The following ATRN variants were observed in gnomAD, a reference collection of about 807,000 sequenced individuals.
ATRN encodes the protein attractin-2.
Under a neutral mutation model 178.7 loss-of-function variants are expected in ATRN, and 54 were observed. That is an observed-to-expected ratio of 0.30 (90% confidence interval 0.24 to 0.38). The LOEUF (loss-of-function observed/expected upper bound fraction) is 0.38. Among genes scored for constraint, ATRN ranks in the 10% least tolerant of loss-of-function variants. The probability of loss-of-function intolerance (pLI) is 1.00; values close to 1 mark genes in which losing one functional copy is unlikely to be tolerated. For missense variants in ATRN, 1,443 were observed against 1,815.1 expected, an observed-to-expected ratio of 0.79 and a Z score of 3.73; for synonymous variants, 636 against 663.0, an observed-to-expected ratio of 0.96 and a Z score of 0.63.
intron 15 of ATRN, 23 bp from the exon 16 acceptor site, chr20:3,582,112 A>C (rs2086289625): frequency 6.3e-7 from 1 of 1,582,820 alleles, no homozygotes; most frequent in African/African-American, 1.3e-5. Flanking sequence ...CTGTATTCAT[A>C]GTTGTGTCTC....
chr20:3,529,793 A>G (rs192881864), intron 1 of ATRN, among the ~76,000 whole-genome samples: 2 of 152,320 alleles, frequency 1.3e-5, no homozygotes, highest in Admixed American at 1.3e-4. Context: ...TTATATGTAA[A>G]TTACTTTTCA....
intron 5 of ATRN, among the ~76,000 whole-genome samples, chr20:3,548,720 T>C (rs2085744368): frequency 6.6e-6 from 1 of 152,124 alleles, no homozygotes; most frequent in South Asian, 2.1e-4. Flanking sequence ...TTAGAGTATA[T>C]GGCAGGATGT....
At chr20:3,512,107 A>ATATATATTTT in intron 1 of ATRN, among the ~76,000 whole-genome samples, 1 of 106,394 alleles carries the variant, frequency 9.4e-6, no homozygotes, top group African/African-American at 4.4e-5. Flanking sequence ...ATATATATAT[A>ATATATATTTT]TTTTTTTTTT....
chr20:3,502,572 C>T (rs568538349), intron 1 of ATRN, among the ~76,000 whole-genome samples: 42 of 152,226 alleles, frequency 2.8e-4, no homozygotes, highest in East Asian at 1.2e-3. Context: ...CTGCCAAGGC[C>T]GACAGCATTG....
intron 18 of ATRN, 147 bp from the exon 19 acceptor site, chr20:3,591,022 A>C: frequency 1.2e-6 from 1 of 849,022 alleles, no homozygotes; most frequent in Non-Finnish European, 1.7e-6. Context: ...TTTTTATCTT[A>C]TTTCTCAAAT....
intron 1 of ATRN, among the ~76,000 whole-genome samples, chr20:3,532,111 T>A (rs1600081048): frequency 1.3e-5 from 2 of 152,030 alleles, no homozygotes; most frequent in East Asian, 3.9e-4. Flanking sequence ...AGCCTGGGTG[T>A]CAGTGTGAGA....
chr20:3,548,154 ATTTG>A (rs1256913481), intron 5 of ATRN, among the ~76,000 whole-genome samples: 1 of 152,168 alleles, frequency 6.6e-6, no homozygotes, highest in Non-Finnish European at 1.5e-5. Flanking sequence ...TGTTTCTTCA[ATTTG>A]TTTAAGTTTT....
chr20:3,624,701 T>C, intron 25 of ATRN, 129 bp downstream of exon 25: 1 of 774,864 alleles, frequency 1.3e-6, no homozygotes, highest in Non-Finnish European at 2.1e-6. Flanking sequence ...TTACTTCATA[T>C]GTGTTCCTGA....
At chr20:3,589,345 C>T (rs1051644591) in intron 18 of ATRN, among the ~76,000 whole-genome samples, 24 of 151,960 alleles carry the variant, frequency 1.6e-4, no homozygotes, top group Admixed American at 1.6e-3. Context: ...TATGTAGTCT[C>T]CTGTTTAACC....
At chr20:3,490,879 G>T in intron 1 of ATRN, 1 of 937,314 alleles carries the variant, frequency 1.1e-6, no homozygotes, top group Non-Finnish European at 1.8e-6. Context: ...TACCTATCTT[G>T]CATGGCCTGA....
intron 25 of ATRN, among the ~76,000 whole-genome samples, chr20:3,631,006 A>G (rs932982743): frequency 1.1e-4 from 14 of 125,830 alleles, no homozygotes; most frequent in African/African-American, 4.4e-4. Context: ...ACAGTGGTGC[A>G]GTCATAGCCC....
In ATRN at chr20:3,638,882, G is replaced by A. The variant is rs757026104; in HGVS notation, c.3997G>A (p.Val1333Ile). 2 of 1,614,048 alleles carry A rather than the reference G, an allele frequency of 1.2e-6. No homozygotes were observed. The highest frequency in any genetic ancestry group is 1.3e-5 in the African/African-American group (1 of 74,920). Residue 1333 changes from valine to isoleucine, a missense_variant, in exon 27 of 29, where the codon GTC (valine) becomes ATC (isoleucine). Physicochemically the swap from Val to Ile is conservative, Grantham distance 29 (BLOSUM62 3). Transcript: ENST00000262919. This position sits in a 1 kb window ranked among gnomAD's most constrained non-coding sequence, Gnocchi z 4.5. ...CAGCCGTCCCTTTGCCTCTGTAAATGTCGCCTTGGAAACAGATGAGGAGCC... is the reference window on the plus strand; with the variant it reads ...CAGCCGTCCCTTTGCCTCTGTAAATATCGCCTTGGAAACAGATGAGGAGCC... ...MASRPFASVNVALETDEEPPD... is the reference protein window; with the variant it reads ...MASRPFASVNIALETDEEPPD...
At chr20:3,512,880 G>A (rs1305281617) in intron 1 of ATRN, among the ~76,000 whole-genome samples, 10 of 152,096 alleles carry the variant, frequency 6.6e-5, no homozygotes, top group African/African-American at 1.2e-4. Flanking sequence ...ATTTTTTCAC[G>A]TGTCTGTTGG....
At chr20:3,492,536 T>C (rs908002453) in intron 1 of ATRN, among the ~76,000 whole-genome samples, 15 of 151,972 alleles carry the variant, frequency 9.9e-5, no homozygotes, top group African/African-American at 3.4e-4. Flanking sequence ...CTACCATGAA[T>C]TGTTTTTGAG....
chr20:3,588,001 C>T (rs1205943408), intron 18 of ATRN, among the ~76,000 whole-genome samples: 2 of 152,142 alleles, frequency 1.3e-5, no homozygotes, highest in Non-Finnish European at 1.5e-5. Flanking sequence ...CATGAGCTAC[C>T]AACACCCAGC....
Position 3,645,475 on chromosome 20 carries a change from C to G in ATRN, c.4165+1207C>G, listed in dbSNP as rs1302960377. Among the ~76,000 whole-genome samples, 1 of 152,244 alleles carries G rather than the reference C, an allele frequency of 6.6e-6. No individual in the cohort carries two copies. ...TGCAGTTTGTGTCTCCTGCCACCGC[C>G]CAGCCCAGCAAACAGTGGCTGGTGT... On this transcript the variant is annotated intron_variant, in intron 28 of 28. Transcript: ENST00000262919. This position sits in a 1 kb window ranked among gnomAD's most constrained non-coding sequence, Gnocchi z 4.7.
At chr20:3,603,259 G>A (rs1361030500) in intron 23 of ATRN, among the ~76,000 whole-genome samples, 1 of 152,114 alleles carries the variant, frequency 6.6e-6, no homozygotes, top group African/African-American at 2.4e-5. Flanking sequence ...CAGTGGGTTA[G>A]GCAGTGAGCG....
chr20:3,534,085 A>G (rs1201880169), intron 1 of ATRN, among the ~76,000 whole-genome samples: 3 of 152,234 alleles, frequency 2.0e-5, no homozygotes, highest in Non-Finnish European at 4.4e-5. Flanking sequence ...ATACATCTCT[A>G]TCAGGCAAGT....
intron 1 of ATRN, among the ~76,000 whole-genome samples, chr20:3,479,774 C>G (rs999424875): frequency 2.6e-5 from 4 of 152,162 alleles, no homozygotes; most frequent in Admixed American, 2.0e-4. Context: ...TCTGGAGTTG[C>G]CAGCAGTCCT....
Sources: gnomAD v4.1 joint callset for allele counts (sites outside exome capture counted in the v4.1 genomes callset) on GRCh38, gnomAD v4.1.1 for gene constraint, Gnocchi (gnomAD v3.1) non-coding constraint, MANE v1.5 for transcripts, NCBI Gene and HGNC (gene_info 2026-07-23, HGNC 2026-07-21) for gene names.